The following ESYT3 variants were observed in gnomAD, a reference collection of about 807,000 sequenced individuals.
ESYT3 encodes the protein extended synaptotagmin-3.
In ESYT3, 101 loss-of-function variants were observed where a neutral mutation model predicts 111.5. The observed-to-expected ratio is 0.91, with a 90% CI of 0.77 to 1.07. ESYT3 has a LOEUF of 1.07. Ranked by LOEUF, ESYT3 falls within the 50% of genes least tolerant of loss-of-function variation. ESYT3 has a pLI of 0.00. For synonymous variants in ESYT3, 416 were observed against 446.8 expected (o/e 0.93, Z 0.87); for missense variants, 1,097 against 1,109.4 (o/e 0.99, Z 0.16).
intron 14 of ESYT3, 86 bp downstream of exon 14, chr3:138,468,967 C>A: frequency 1.5e-6 from 2 of 1,374,774 alleles, no homozygotes; most frequent in Non-Finnish European, 2.1e-6. Flanking sequence ...GTCTTCTGGG[C>A]CACAGTCTGT....
chr3:138,472,864 G>T lies in ESYT3; in HGVS notation c.2237+5G>T. 6.2e-7 allele frequency: 1 copy of T among 1,609,326 alleles called. No homozygotes were observed. On this transcript the variant is annotated splice_donor_5th_base_variant and intron_variant, in intron 18 of 22. Transcript: ENST00000389567. Reference sequence around the variant, plus strand: ...AGATATCAGCCTCAACATTGAGTATGCACCTCTCTGCTTAATCTTTTCTAA... The same window carrying T: ...AGATATCAGCCTCAACATTGAGTATTCACCTCTCTGCTTAATCTTTTCTAA...
At chr3:138,475,207 G>C (rs934516312) in intron 20 of ESYT3, among the ~76,000 whole-genome samples, 2 of 152,174 alleles carry the variant, frequency 1.3e-5, no homozygotes, top group Non-Finnish European at 1.5e-5. Context: ...ACACAAGTAA[G>C]AGATTTTGCC....
Position 138,476,230 on chromosome 3 carries a change from T to C in ESYT3, c.2476T>C (p.Phe826Leu). 6.2e-7 allele frequency: 1 copy of C among 1,608,172 alleles called. No homozygotes were observed. Among genetic ancestry groups the C allele is most frequent in the Non-Finnish European group, 8.5e-7 (1 of 1,175,920 alleles). The change falls in exon 21 of 23, where the codon TTT becomes CTT. Residue 826 changes from phenylalanine (F) to leucine (L), a missense_variant. Phe to Leu is a conservative substitution (Grantham distance 22). Transcript: ENST00000389567. Reference sequence around the variant, plus strand: ...CCTTTTTGCTTCCTAAAGATTTGAATTTTTTGTTCCCATGGAAGAAGTAAA... The same window carrying C: ...CCTTTTTGCTTCCTAAAGATTTGAACTTTTTGTTCCCATGGAAGAAGTAAA... ...LEPLFDETFE[F>L]FVPMEEVKKR... is the part of the protein sequence containing the mutation.
In ESYT3 at chr3:138,452,059, G is replaced by A. The variant is rs377513850; in HGVS notation, c.339G>A (p.Pro113=). Residue 113 remains proline (P), a synonymous_variant, in exon 2 of 23, where the codon CCG becomes CCA. Transcript: ENST00000389567. ...GQHLPAWIHF[P]DVERVEWANK... ...GGCTTCTTTCCTAGATCCACTTCCC[G>A]GACGTGGAGCGGGTCGAGTGGGCCA... is the stretch of plus-strand genomic sequence containing the variant. 64 of 1,613,398 alleles carry A rather than the reference G, an allele frequency of 4.0e-5. 1 individual carries two copies. The East Asian group carries it at 4.9e-4, about 12-fold the overall frequency.
chr3:138,474,293 G>C lies in ESYT3; in HGVS notation c.2409G>C (p.Trp803Cys), dbSNP rs769045703. The change falls in exon 20 of 23, where the codon TGG (tryptophan) becomes TGC (cysteine). Residue 803 changes from tryptophan (W) to cysteine (C), a missense_variant. Coordinates refer to ENST00000389567, the MANE Select transcript of ESYT3 (RefSeq NM_031913.5). Reference protein sequence around the residue: ...VRVYLLPERKWACRKKTSVKR... With the variant: ...VRVYLLPERKCACRKKTSVKR... ...TCTACTTGTTGCCAGAAAGGAAGTG[G>C]GCATGTCGTAAGAAGACTTCAGTGA... 3.7e-6 allele frequency: 6 copies of C among 1,611,364 alleles called. No homozygotes were observed. The highest frequency in any genetic ancestry group is 5.1e-6 in the Non-Finnish European group (6 of 1,179,372).
intron 1 of ESYT3, among the ~76,000 whole-genome samples, chr3:138,438,389 G>A (rs2030884400): frequency 6.6e-6 from 1 of 152,174 alleles, no homozygotes; most frequent in Non-Finnish European, 1.5e-5. Context: ...AGTGGGGAGG[G>A]ATGGATATCC....
intron 15 of ESYT3, 29 bp downstream of exon 15, chr3:138,469,533 G>A (rs2033111123): frequency 6.2e-7 from 1 of 1,601,044 alleles, no homozygotes; most frequent in African/African-American, 1.3e-5. Context: ...TAGCCCTGGG[G>A]TAAGGAAACA....
intron 9 of ESYT3, 62 bp from the exon 10 acceptor site, chr3:138,465,277 C>T: frequency 3.8e-6 from 5 of 1,326,402 alleles, no homozygotes; most frequent in Non-Finnish European, 5.3e-6. Flanking sequence ...ATTTGGCTCC[C>T]TTTGGGTCAT....
At chr3:138,476,124 G>A in intron 20 of ESYT3, 99 bp from the exon 21 acceptor site, 1 of 774,660 alleles carries the variant, frequency 1.3e-6, no homozygotes, top group African/African-American at 1.7e-5. Flanking sequence ...CTAATAGTCT[G>A]TACCTTTCTG....
chr3:138,451,181 T>C (rs573047786), intron 1 of ESYT3, among the ~76,000 whole-genome samples: 1 of 152,312 alleles, frequency 6.6e-6, no homozygotes, highest in South Asian at 2.1e-4. Context: ...CCTTCCACTG[T>C]TCCCCCTTCC....
In ESYT3 at chr3:138,459,957, C is replaced by G; in HGVS notation, c.661C>G (p.Leu221Val). The G allele has an allele frequency of 6.2e-7, 1 of 1,614,038 alleles. No individual in the cohort carries two copies. Among genetic ancestry groups the G allele is most frequent in the African/African-American group, 1.3e-5 (1 of 75,052 alleles). Residue 221 changes from leucine (L) to valine (V), a missense_variant, in exon 6 of 23, where the codon CTG becomes GTG. Coordinates refer to ENST00000389567, the MANE Select transcript of ESYT3 (RefSeq NM_031913.5). ...TGTGCCTATCCAGTTGCAGGGCACC[C>G]TGCGGGTCATCCTGGAGCCCCTCCT... The part of the protein sequence containing the change: ...GVNGIQLQGT[L>V]RVILEPLLVD...
chr3:138,447,990 G>A (rs12633098), intron 1 of ESYT3, among the ~76,000 whole-genome samples: 26,465 of 151,894 alleles, frequency 0.17, 5,381 homozygotes, highest in African/African-American at 0.48. Context: ...ATCGGCGGCC[G>A]GGTGTGGTGG....
At chr3:138,476,349 A>G (rs371641205) in intron 21 of ESYT3, 21 bp downstream of exon 21, 4 of 1,603,122 alleles carry the variant, frequency 2.5e-6, no homozygotes, top group East Asian at 4.5e-5. Flanking sequence ...GAGATATTTG[A>G]TATACCAAGG....
At chr3:138,465,536 G>A (rs1405723549) in intron 10 of ESYT3, 115 bp downstream of exon 10, 6 of 762,236 alleles carry the variant, frequency 7.9e-6, no homozygotes, top group Non-Finnish European at 1.3e-5. Flanking sequence ...TGGTCACCCT[G>A]ACATAGTGAC....
At position 138,452,069 on chromosome 3, in the gene ESYT3, C is replaced by T. The variant is rs991970081; in HGVS notation, c.349C>T (p.Arg117Trp). 2 of 1,607,142 alleles carry T rather than the reference C, an allele frequency of 1.2e-6. No individual in the cohort carries two copies. Among genetic ancestry groups the T allele is most frequent in the Non-Finnish European group, 1.7e-6 (2 of 1,179,750 alleles). The change falls in exon 2 of 23, where the codon CGG becomes TGG. Residue 117 changes from arginine (R) to tryptophan (W), a missense_variant. Coordinates refer to ENST00000389567, the MANE Select transcript of ESYT3 (RefSeq NM_031913.5). Reference protein sequence around the residue: ...PAWIHFPDVERVEWANKIISQ... With the variant: ...PAWIHFPDVEWVEWANKIISQ... ...CTAGATCCACTTCCCGGACGTGGAG[C>T]GGGTCGAGTGGGCCAACAAGGTAAG...
chr3:138,462,241 T>C (rs570915489), intron 8 of ESYT3, 35 bp downstream of exon 8: 35 of 1,613,834 alleles, frequency 2.2e-5, no homozygotes, highest in Middle Eastern at 3.3e-4. Flanking sequence ...ACCAGCCTGC[T>C]GGGAGGCAGC....
Position 138,470,976 on chromosome 3 carries a change from C to G in ESYT3, c.1690C>G (p.Leu564Val). 6.2e-7 allele frequency: 1 copy of G among 1,614,152 alleles called. No individual in the cohort carries two copies. The highest frequency in any genetic ancestry group is 1.6e-4 in the Middle Eastern group (1 of 6,062). ...CCTCACTCTTGAGCAGCGCTTTCAGCTGGACCACTCAGGCCTGGACAGCCT... is the reference window on the plus strand; with the variant it reads ...CCTCACTCTTGAGCAGCGCTTTCAGGTGGACCACTCAGGCCTGGACAGCCT... The part of the protein sequence containing the change: ...ADLTLEQRFQ[L>V]DHSGLDSLIS... Residue 564 changes from leucine (L) to valine (V), a missense_variant, in exon 17 of 23, where the codon CTG becomes GTG. Coordinates refer to ENST00000389567, the MANE Select transcript of ESYT3 (RefSeq NM_031913.5).
chr3:138,455,488 C>A (rs1272881098), intron 3 of ESYT3, among the ~76,000 whole-genome samples, 160 bp downstream of exon 3: 1 of 152,104 alleles, frequency 6.6e-6, no homozygotes, highest in Admixed American at 6.6e-5. Context: ...CATTTCCCAG[C>A]CTGTCAGCCT....
chr3:138,461,870 C>T (rs1720836), intron 7 of ESYT3, among the ~76,000 whole-genome samples: 92,553 of 151,870 alleles, frequency 0.61, 28,811 homozygotes, highest in East Asian at 0.94. Context: ...GAGTTGGGGA[C>T]GTGTAGGTGG....
Sources: gnomAD v4.1 joint callset for allele counts (sites outside exome capture counted in the v4.1 genomes callset) on GRCh38, gnomAD v4.1.1 for gene constraint, MANE v1.5 for transcripts, NCBI Gene and HGNC (gene_info 2026-07-23, HGNC 2026-07-21) for gene names.